Variants in ADAMTS19 observed in about 807,000 individuals in gnomAD.
The protein encoded by ADAMTS19 is A disintegrin and metalloproteinase with thrombospondin motifs 19.
In ADAMTS19, 93 loss-of-function variants were observed where a neutral mutation model predicts 153.3. The observed-to-expected ratio is 0.61, with a 90% CI of 0.51 to 0.72. ADAMTS19 has a LOEUF of 0.72. ADAMTS19 is among the 30% of genes least tolerant of loss of function. ADAMTS19 has a pLI of 0.00. For synonymous variants in ADAMTS19, 600 were observed against 556.6 expected (o/e 1.08, Z -1.10); for missense variants, 1,482 against 1,552.1 (o/e 0.95, Z 0.76).
At chr5:129,656,733 T>C (rs975095985) in intron 14 of ADAMTS19, among the ~76,000 whole-genome samples, 1 of 152,248 alleles carries the variant, frequency 6.6e-6, no homozygotes, top group Non-Finnish European at 1.5e-5. Context: ...AATATATGAT[T>C]ATTGAACTGT....
At chr5:129,730,369 G>T (rs956472767) in intron 21 of ADAMTS19, among the ~76,000 whole-genome samples, 2 of 152,060 alleles carry the variant, frequency 1.3e-5, no homozygotes, top group African/African-American at 2.4e-5. Flanking sequence ...CAGATACAAA[G>T]ATAATATTTT....
At chr5:129,463,129 T>C (rs1390464776) in intron 2 of ADAMTS19, among the ~76,000 whole-genome samples, 1 of 152,248 alleles carries the variant, frequency 6.6e-6, no homozygotes, top group East Asian at 1.9e-4. Context: ...AACATTTCAC[T>C]GGGGAAAACA....
intron 16 of ADAMTS19, among the ~76,000 whole-genome samples, chr5:129,678,886 G>A (rs937984136): frequency 5.3e-5 from 8 of 152,076 alleles, no homozygotes; most frequent in Non-Finnish European, 1.0e-4. Context: ...TTATCAAAAT[G>A]TTTTCATGTA....
chr5:129,686,235 G>A (rs886382442), intron 18 of ADAMTS19, among the ~76,000 whole-genome samples: 12 of 152,108 alleles, frequency 7.9e-5, no homozygotes, highest in Non-Finnish European at 1.8e-4. Flanking sequence ...AGTAAGAGAG[G>A]AGTAAGTGCT....
At chr5:129,489,415 ATCT>A (rs1239816159) in intron 2 of ADAMTS19, among the ~76,000 whole-genome samples, 1 of 152,144 alleles carries the variant, frequency 6.6e-6, no homozygotes, top group Non-Finnish European at 1.5e-5. Flanking sequence ...CCAGTGCCAC[ATCT>A]TCTTCCTTTC....
chr5:129,639,251 G>GA (rs1368683979), intron 10 of ADAMTS19, among the ~76,000 whole-genome samples: 1 of 152,156 alleles, frequency 6.6e-6, no homozygotes, highest in East Asian at 1.9e-4. Context: ...CTGCCCTTTA[G>GA]AAAGGGCTTG....
chr5:129,505,967 T>G (rs551306711), intron 2 of ADAMTS19, among the ~76,000 whole-genome samples: 1 of 152,302 alleles, frequency 6.6e-6, no homozygotes, highest in Admixed American at 6.6e-5. Context: ...ATCTTATTTC[T>G]TGCTAAAATT....
intron 21 of ADAMTS19, among the ~76,000 whole-genome samples, chr5:129,709,583 T>G (rs1218072444): frequency 6.6e-6 from 1 of 152,198 alleles, no homozygotes; most frequent in Non-Finnish European, 1.5e-5. Flanking sequence ...GCTCTTTAAG[T>G]GTGCTTTGCA....
intron 2 of ADAMTS19, among the ~76,000 whole-genome samples, chr5:129,463,547 A>C (rs540187213): frequency 1.6e-4 from 25 of 152,196 alleles, no homozygotes; most frequent in Admixed American, 2.0e-4. Flanking sequence ...GAAAACTGCC[A>C]TTGCCAGTGT....
At chr5:129,652,155 G>A (rs1753345283) in intron 13 of ADAMTS19, among the ~76,000 whole-genome samples, 1 of 152,114 alleles carries the variant, frequency 6.6e-6, no homozygotes, top group Non-Finnish European at 1.5e-5. Context: ...ATACCTATTT[G>A]TATAATCAGC....
chr5:129,526,035 TATC>T (rs999119537), intron 3 of ADAMTS19, among the ~76,000 whole-genome samples: 1 of 152,058 alleles, frequency 6.6e-6, no homozygotes, highest in African/African-American at 2.4e-5. Context: ...AGATAGGTGT[TATC>T]ATTATCCACT....
chr5:129,716,573 CTTTTTTT>C (rs35089778), intron 21 of ADAMTS19, among the ~76,000 whole-genome samples: 2 of 137,338 alleles, frequency 1.5e-5, no homozygotes, highest in Admixed American at 7.3e-5. Context: ...CTTCCAGTTT[CTTTTTTT>C]TTTTTTTTTC....
chr5:129,500,259 C>T (rs1751054131), intron 2 of ADAMTS19: 1 of 152,136 alleles, frequency 6.6e-6, no homozygotes, highest in Non-Finnish European at 1.5e-5. Flanking sequence ...TTCAGTCCTC[C>T]TATTCAGTGC....
At chr5:129,643,367 C>CAAAAAAAA (rs556007087) in intron 11 of ADAMTS19, among the ~76,000 whole-genome samples, 17 of 40,348 alleles carry the variant, frequency 4.2e-4, no homozygotes, top group East Asian at 1.2e-3. Context: ...GTTTCAAAGA[C>CAAAAAAAA]AAAAAAAAAA....
At chr5:129,467,691 G>A (rs1749915962) in intron 2 of ADAMTS19, among the ~76,000 whole-genome samples, 1 of 152,106 alleles carries the variant, frequency 6.6e-6, no homozygotes, top group South Asian at 2.1e-4. Flanking sequence ...GGATTATATG[G>A]TCACACAAAA....
chr5:129,474,510 TC>T (rs898751410), intron 2 of ADAMTS19, among the ~76,000 whole-genome samples: 21 of 152,150 alleles, frequency 1.4e-4, no homozygotes, highest in African/African-American at 2.4e-4. Context: ...CATTTTATAT[TC>T]CCCCCCAGTA....
chr5:129,728,486 T>A (rs246244), intron 21 of ADAMTS19, among the ~76,000 whole-genome samples: 143,332 of 152,184 alleles, frequency 0.94, 67,605 homozygotes, highest in East Asian at 1. Context: ...TCTTCTTAAT[T>A]ACCTTGCTTT....
At chr5:129,606,454 T>C (rs1340584555) in intron 8 of ADAMTS19, among the ~76,000 whole-genome samples, 3 of 152,214 alleles carry the variant, frequency 2.0e-5, no homozygotes, top group African/African-American at 7.2e-5. Flanking sequence ...CTATCTCAAC[T>C]GTCTATTCTT....
intron 19 of ADAMTS19, among the ~76,000 whole-genome samples, chr5:129,699,422 C>CAAAAAA (rs536240544): frequency 2.5e-5 from 2 of 80,588 alleles, no homozygotes; most frequent in South Asian, 4.2e-4. Flanking sequence ...GACTTCATCT[C>CAAAAAA]AAAAAAAAAA....
Sources: gnomAD v4.1 joint callset for allele counts (sites outside exome capture counted in the v4.1 genomes callset) on GRCh38, gnomAD v4.1.1 for gene constraint, MANE v1.5 for transcripts, NCBI Gene and HGNC (gene_info 2026-07-23, HGNC 2026-07-21) for gene names.